Variants in SAP30BP observed in about 807,000 individuals in gnomAD.
SAP30BP encodes the protein SAP30-binding protein.
A neutral mutation model predicts 46.3 loss-of-function variants in SAP30BP; 31 were observed. That is an observed-to-expected ratio of 0.67 (90% CI 0.50 to 0.90). The LOEUF is 0.90. Among genes scored for constraint, SAP30BP ranks in the 40% least tolerant of loss-of-function variants. The pLI is 0.00. For missense variants in SAP30BP, 312 were observed against 391.0 expected, an observed-to-expected ratio of 0.80 and a Z score of 1.70; for synonymous variants, 169 against 144.2, an observed-to-expected ratio of 1.17 and a Z score of -1.23.
At chr17:75,671,897 G>A (rs553032902) in intron 3 of SAP30BP, 34 bp downstream of exon 3, 8 of 1,581,800 alleles carry the variant, frequency 5.1e-6, no homozygotes, top group African/African-American at 4.0e-5. Context: ...GTGGCTGGAT[G>A]CAAACAAGGT....
chr17:75,690,303 A>G (rs1158722887), intron 3 of SAP30BP, among the ~76,000 whole-genome samples: 2 of 152,140 alleles, frequency 1.3e-5, no homozygotes, highest in East Asian at 1.9e-4. Context: ...GGAGGTCGTT[A>G]TAGAGGCATA....
intron 3 of SAP30BP, among the ~76,000 whole-genome samples, chr17:75,677,942 A>T (rs2060017878): frequency 6.6e-6 from 1 of 151,996 alleles, no homozygotes; most frequent in Non-Finnish European, 1.5e-5. Flanking sequence ...CTAAAACAGA[A>T]ATCATGGGTC....
intron 3 of SAP30BP, among the ~76,000 whole-genome samples, chr17:75,688,459 T>C (rs2060194416): frequency 6.6e-6 from 1 of 152,120 alleles, no homozygotes; most frequent in Admixed American, 6.6e-5. Context: ...CGGGGCTGGC[T>C]GCCCTGTGCC....
intron 3 of SAP30BP, among the ~76,000 whole-genome samples, chr17:75,689,518 G>A (rs2060211825): frequency 6.6e-6 from 1 of 152,184 alleles, no homozygotes. Flanking sequence ...GGAACTGGGT[G>A]AAAAGCCCTC....
intron 3 of SAP30BP, among the ~76,000 whole-genome samples, chr17:75,674,969 C>A (rs1331474652): frequency 1.3e-5 from 2 of 152,146 alleles, no homozygotes; most frequent in East Asian, 3.9e-4. Flanking sequence ...TCCCAAAGGG[C>A]TGGGATTAGA....
At chr17:75,704,647 C>T (rs1224708395) in intron 8 of SAP30BP, 109 bp from the exon 9 acceptor site, 4 of 823,636 alleles carry the variant, frequency 4.9e-6, no homozygotes, top group Non-Finnish European at 8.5e-6. Flanking sequence ...GAACACTGAG[C>T]CCATGAAGGC....
chr17:75,673,934 A>T (rs1304859018), intron 3 of SAP30BP, among the ~76,000 whole-genome samples: 2 of 152,210 alleles, frequency 1.3e-5, no homozygotes, highest in Non-Finnish European at 2.9e-5. Flanking sequence ...TTACTGTGGA[A>T]TGAAAAGTTT....
At chr17:75,683,038 A>G (rs1245417259) in intron 3 of SAP30BP, among the ~76,000 whole-genome samples, 1 of 42,602 alleles carries the variant, frequency 2.3e-5, no homozygotes, top group Non-Finnish European at 1.1e-4. Context: ...AATTTATTTT[A>G]TTTATTTATT....
chr17:75,698,568 A>G (rs1306485378), intron 4 of SAP30BP, among the ~76,000 whole-genome samples: 2 of 147,896 alleles, frequency 1.4e-5, no homozygotes, highest in Non-Finnish European at 3.0e-5. Flanking sequence ...GTTTACAGAC[A>G]TATGCAGTGG....
At chr17:75,696,802 T>G (rs1244905329) in intron 4 of SAP30BP, among the ~76,000 whole-genome samples, 1 of 144,022 alleles carries the variant, frequency 6.9e-6, no homozygotes, top group Non-Finnish European at 1.5e-5. Context: ...GGGGTCTGGC[T>G]TTGTCACCCA....
intron 3 of SAP30BP, among the ~76,000 whole-genome samples, chr17:75,678,345 A>AT (rs2060023398): frequency 6.6e-6 from 1 of 152,134 alleles, no homozygotes; most frequent in Admixed American, 6.6e-5. Context: ...GATACTTTAA[A>AT]TCATCTTATG....
At chr17:75,700,165 G>A (rs1398986572) in intron 5 of SAP30BP, 1 of 215,090 alleles carries the variant, frequency 4.6e-6, no homozygotes, top group Non-Finnish European at 9.2e-6. Flanking sequence ...CCTTTTCTGT[G>A]CAGCCCTACT....
intron 5 of SAP30BP, among the ~76,000 whole-genome samples, chr17:75,702,020 A>G (rs1350759680): frequency 6.6e-6 from 1 of 152,066 alleles, no homozygotes; most frequent in African/African-American, 2.4e-5. Context: ...AAGAGAATAG[A>G]TTAATTTTTT....
Position 75,706,720 on chromosome 17 carries a change from C to A in SAP30BP, c.*199C>A. The A allele has an allele frequency of 1.7e-6, 1 of 587,856 alleles. No individual in the cohort carries two copies. Among genetic ancestry groups the A allele is most frequent in the South Asian group, 2.1e-5 (1 of 47,404 alleles). The allele number at this position is 587,856 out of a possible 1,614,324, so 36.4% of individuals were successfully genotyped here. On this transcript the variant is annotated 3_prime_UTR_variant, in exon 11 of 11. Transcript: ENST00000584667. The surrounding 1 kb of genome is among the most constrained non-coding windows in gnomAD (Gnocchi z 4.6). ...GTGGACAGGGTCTGTCCACGCACCA[C>A]CTGGGGTCTGCCGCCTATTAAAAGT...
chr17:75,706,334 C>T lies in SAP30BP; in HGVS notation c.746-6C>T. 1 of 1,611,966 alleles carries T rather than the reference C, an allele frequency of 6.2e-7. No homozygotes were observed. Among genetic ancestry groups the T allele is most frequent in the Non-Finnish European group, 8.5e-7 (1 of 1,179,480 alleles). On this transcript the variant is annotated splice_region_variant and splice_polypyrimidine_tract_variant and intron_variant, in intron 10 of 10. Coordinates refer to ENST00000584667, the MANE Select transcript of SAP30BP (RefSeq NM_013260.8). The surrounding 1 kb of genome is among the most constrained non-coding windows in gnomAD (Gnocchi z 4.6). Reference sequence around the variant, plus strand: ...ATCGTGATCCTGATTTCTGCTTTATCTCCAGATGCTCAGAAGAGAAAGAGC... The same window carrying T: ...ATCGTGATCCTGATTTCTGCTTTATTTCCAGATGCTCAGAAGAGAAAGAGC...
chr17:75,704,937 C>T (rs1404177350), intron 9 of SAP30BP, 123 bp downstream of exon 9: 6 of 756,414 alleles, frequency 7.9e-6, no homozygotes, highest in Non-Finnish European at 1.2e-5. Context: ...CCCGGCGATG[C>T]TCTGAGCCTC....
intron 4 of SAP30BP, among the ~76,000 whole-genome samples, chr17:75,694,406 TG>T (rs1476884747): frequency 6.6e-6 from 1 of 152,216 alleles, no homozygotes; most frequent in Non-Finnish European, 1.5e-5. Context: ...GAAGAAGGAT[TG>T]GGTGGGAACA....
chr17:75,678,612 T>TC (rs2060028093), intron 3 of SAP30BP, among the ~76,000 whole-genome samples: 1 of 152,170 alleles, frequency 6.6e-6, no homozygotes, highest in Admixed American at 6.5e-5. Context: ...GACCATCACT[T>TC]CCAGTTCCAC....
At chr17:75,692,728 GT>G (rs200641407) in intron 3 of SAP30BP, 2,651 of 155,178 alleles carry the variant, frequency 0.017, 38 homozygotes, top group South Asian at 0.033. Flanking sequence ...ATGGGACACT[GT>G]TTGCATTAGG....
Sources: allele counts gnomAD v4.1 joint callset (sites outside exome capture counted in the v4.1 genomes callset), GRCh38; gene constraint gnomAD v4.1.1; non-coding constraint Gnocchi (gnomAD v3.1); transcripts MANE v1.5; gene names NCBI Gene and HGNC (gene_info 2026-07-23, HGNC 2026-07-21).